Variants in RAB37 observed in about 807,000 individuals in gnomAD.
RAB37 encodes ras-related protein Rab-37.
A neutral mutation model predicts 33.1 loss-of-function variants in RAB37; 29 were observed. That is an observed-to-expected ratio of 0.88 (90% confidence interval 0.65 to 1.20). The LOEUF (loss-of-function observed/expected upper bound fraction) is 1.20. Among genes scored for constraint, RAB37 ranks in the 50% most tolerant of loss-of-function variants. The pLI, the probability that RAB37 is intolerant of heterozygous loss-of-function variation, is 0.00. For missense variants in RAB37, 299 were observed against 301.1 expected, an observed-to-expected ratio of 0.99 and a Z score of 0.05; for synonymous variants, 128 against 119.5, an observed-to-expected ratio of 1.07 and a Z score of -0.47.
At chr17:74,702,920 A>G in intron 1 of RAB37, 2 of 848,016 alleles carry the variant, frequency 2.4e-6, no homozygotes, top group Non-Finnish European at 3.9e-6. Flanking sequence ...CCTCATCCTC[A>G]CCAAGGAGCA....
At chr17:74,705,292 T>C (rs1445381464) in intron 1 of RAB37, 3 of 696,340 alleles carry the variant, frequency 4.3e-6, no homozygotes, top group African/African-American at 3.5e-5. Flanking sequence ...GTGGTCCTAA[T>C]GATTTCTAGT....
chr17:74,725,145 G>A (rs1355650470), intron 1 of RAB37, among the ~76,000 whole-genome samples: 1 of 152,166 alleles, frequency 6.6e-6, no homozygotes, highest in Non-Finnish European at 1.5e-5. Flanking sequence ...ATTCTCAGAA[G>A]TTCCACACTA....
chr17:74,703,232 G>T, intron 1 of RAB37: 2 of 1,102,260 alleles, frequency 1.8e-6, no homozygotes, highest in Non-Finnish European at 2.7e-6. Context: ...CTGAGCCTGG[G>T]CGGGGGTCTG....
intron 1 of RAB37, among the ~76,000 whole-genome samples, chr17:74,678,033 C>A (rs982146203): frequency 2.6e-5 from 4 of 152,130 alleles, no homozygotes; most frequent in African/African-American, 9.7e-5. Flanking sequence ...AGTAAACAGC[C>A]AGAGGTGAGC....
upstream of RAB37, chr17:74,736,771 C>T (rs1213152677): frequency 6.5e-7 from 1 of 1,535,690 alleles, no homozygotes; most frequent in Non-Finnish European, 8.7e-7. Flanking sequence ...TTCAGATGAG[C>T]TCGGGCCGGG....
At chr17:74,717,103 C>T (rs1261801715) in intron 1 of RAB37, among the ~76,000 whole-genome samples, 1 of 152,076 alleles carries the variant, frequency 6.6e-6, no homozygotes, top group African/African-American at 2.4e-5. Context: ...CCATTGCATT[C>T]CAGCCTGGGC....
chr17:74,730,099 G>C lies in RAB37; in HGVS notation c.183+733G>C, dbSNP rs764713636. Among the ~76,000 whole-genome samples, 1 of 152,150 alleles carries C rather than the reference G, an allele frequency of 6.6e-6. No individual in the cohort carries two copies. The highest frequency in any genetic ancestry group is 1.5e-5 in the Non-Finnish European group (1 of 68,030). On this transcript the variant is annotated intron_variant, in intron 2 of 7. Transcript: ENST00000340415. This position sits in a 1 kb window ranked among gnomAD's most constrained non-coding sequence, Gnocchi z 4.4. ...ACATCCCATCTCCCCGCGTTGTCCC[G>C]TGCCTGCGGCTGCAGCTGCCCTTGA...
At chr17:74,704,504 A>AC in intron 1 of RAB37, 1 of 1,613,622 alleles carries the variant, frequency 6.2e-7, no homozygotes, top group South Asian at 1.1e-5. Flanking sequence ...TTGAACTGTG[A>AC]CCCCAAGGTC....
chr17:74,684,759 G>A (rs141305228), intron 1 of RAB37, among the ~76,000 whole-genome samples: 63 of 152,110 alleles, frequency 4.1e-4, no homozygotes, highest in African/African-American at 1.3e-3. Context: ...CACTGCACTC[G>A]AGCCTGGGTG....
At chr17:74,704,867 C>T (rs770852559) in intron 1 of RAB37, 12 of 1,436,328 alleles carry the variant, frequency 8.4e-6, no homozygotes, top group Non-Finnish European at 1.1e-5. Context: ...AGGGCAGGGC[C>T]ACAGCTTTCT....
intron 1 of RAB37, among the ~76,000 whole-genome samples, chr17:74,727,232 C>T (rs140848370): frequency 3.3e-5 from 5 of 152,354 alleles, no homozygotes; most frequent in African/African-American, 1.2e-4. Context: ...TTGGGGCTCT[C>T]CCACACAGGA....
At chr17:74,688,895 C>G (rs2032105610) in intron 1 of RAB37, among the ~76,000 whole-genome samples, 1 of 152,176 alleles carries the variant, frequency 6.6e-6, no homozygotes, top group Non-Finnish European at 1.5e-5. Context: ...TCAGGAAAGG[C>G]AATGGGCCCC....
intron 1 of RAB37, among the ~76,000 whole-genome samples, chr17:74,683,727 G>A (rs916297430): frequency 4.6e-5 from 7 of 152,208 alleles, no homozygotes; most frequent in African/African-American, 1.7e-4. Flanking sequence ...GGGCACCTCT[G>A]CCTTCTGATG....
chr17:74,695,264 C>A (rs746258564), intron 1 of RAB37: 1 of 1,613,366 alleles, frequency 6.2e-7, no homozygotes. Flanking sequence ...GCAGCAAAGG[C>A]GGGCTCCAGG....
intron 1 of RAB37, among the ~76,000 whole-genome samples, chr17:74,681,335 C>T (rs1167802157): frequency 6.6e-6 from 1 of 152,236 alleles, no homozygotes; most frequent in Non-Finnish European, 1.5e-5. Flanking sequence ...GATGGGGCCC[C>T]ACCTCTGAAG....
intron 1 of RAB37, among the ~76,000 whole-genome samples, chr17:74,711,785 C>T (rs1291060788): frequency 6.6e-6 from 1 of 152,172 alleles, no homozygotes; most frequent in African/African-American, 2.4e-5. Context: ...TTACAGCATC[C>T]CCCTACCTGG....
intron 1 of RAB37, among the ~76,000 whole-genome samples, chr17:74,702,847 G>A (rs1033312755): frequency 6.6e-6 from 1 of 152,246 alleles, no homozygotes; most frequent in Non-Finnish European, 1.5e-5. Flanking sequence ...GCAGAATGAA[G>A]GATCTGTGGA....
chr17:74,695,720 C>T (rs747675801), intron 1 of RAB37: 14 of 1,613,960 alleles, frequency 8.7e-6, no homozygotes, highest in African/African-American at 2.7e-5. Context: ...CCATGGAGGA[C>T]GCACCATGGT....
chr17:74,714,475 G>A (rs1019703229), intron 1 of RAB37, among the ~76,000 whole-genome samples: 1 of 151,688 alleles, frequency 6.6e-6, no homozygotes. Context: ...GATGCAAGCA[G>A]GGAACTACTG....
Sources: allele counts gnomAD v4.1 joint callset (sites outside exome capture counted in the v4.1 genomes callset), GRCh38; gene constraint gnomAD v4.1.1; non-coding constraint Gnocchi (gnomAD v3.1); transcripts MANE v1.5; gene names NCBI Gene and HGNC (gene_info 2026-07-23, HGNC 2026-07-21).